RPA3: variants seen among roughly 807,000 people sequenced by gnomAD.
RPA3 encodes the protein replication protein A 14 kDa subunit.
Under a neutral mutation model 13.7 loss-of-function variants are expected in RPA3, and 24 were observed. That is an observed-to-expected ratio of 1.75 (90% CI 1.27 to 2.46). The LOEUF (loss-of-function observed/expected upper bound fraction) is 2.46. Ranked by LOEUF, RPA3 falls within the 30% of genes most tolerant of loss-of-function variation. The pLI, the probability that RPA3 is intolerant of heterozygous loss-of-function variation, is 0.00. For synonymous variants in RPA3, 59 were observed against 51.2 expected (o/e 1.15, Z -0.65); for missense variants, 183 against 151.0 (o/e 1.21, Z -1.11).
At chr7:7,641,324 C>G (rs1361584061) in intron 4 of RPA3, 149 bp from the exon 5 acceptor site, 5 of 152,132 alleles carry the variant, frequency 3.3e-5, no homozygotes, top group Non-Finnish European at 5.9e-5. Context: ...GGGGAAGAAC[C>G]ACTGGCCAGT....
At chr7:7,673,653 G>A (rs1274807615) in intron 4 of RPA3, among the ~76,000 whole-genome samples, 7 of 151,764 alleles carry the variant, frequency 4.6e-5, no homozygotes, top group Admixed American at 6.6e-5. Flanking sequence ...CTTTTCTTCC[G>A]TGTTGATTTG....
intron 2 of RPA3, among the ~76,000 whole-genome samples, chr7:7,698,008 AT>A (rs2115148628): frequency 6.6e-6 from 1 of 152,188 alleles, no homozygotes; most frequent in African/African-American, 2.4e-5. Flanking sequence ...TACTCATTTG[AT>A]TGTTAGAATG....
At chr7:7,704,548 G>T (rs1351731981) in intron 2 of RPA3, among the ~76,000 whole-genome samples, 3 of 146,144 alleles carry the variant, frequency 2.1e-5, no homozygotes, top group African/African-American at 7.6e-5. Flanking sequence ...AAAGTCAGGA[G>T]TTCAAGACTA....
chr7:7,675,173 GT>G (rs1391278867), intron 4 of RPA3, among the ~76,000 whole-genome samples: 3 of 152,114 alleles, frequency 2.0e-5, no homozygotes, highest in Non-Finnish European at 2.9e-5. Flanking sequence ...CCTCTTTTCT[GT>G]TGTCTTTATG....
chr7:7,654,120 A>G (rs1163631806), intron 4 of RPA3, among the ~76,000 whole-genome samples: 1 of 152,244 alleles, frequency 6.6e-6, no homozygotes, highest in South Asian at 2.1e-4. Flanking sequence ...TCTGAAAACC[A>G]TAGGACCATA....
intron 2 of RPA3, among the ~76,000 whole-genome samples, chr7:7,711,540 A>G (rs1780764107): frequency 6.6e-6 from 1 of 152,158 alleles, no homozygotes; most frequent in South Asian, 2.1e-4. Flanking sequence ...TTAAATTTTT[A>G]TCAGTCTGTT....
chr7:7,699,190 G>T (rs918552440), intron 2 of RPA3, among the ~76,000 whole-genome samples: 1 of 152,032 alleles, frequency 6.6e-6, no homozygotes, highest in African/African-American at 2.4e-5. Context: ...TGAGTTGACT[G>T]ATTATGGGAA....
chr7:7,667,438 A>T lies in RPA3; in HGVS notation c.-758+18392T>A, dbSNP rs574907258. Among the ~76,000 whole-genome samples the T allele has an allele frequency of 2.0e-5, 3 of 152,318 alleles. No homozygotes were observed. In the East Asian group the frequency reaches 5.8e-4, roughly 29 times the overall value. On this transcript the variant is annotated intron_variant, in intron 4 of 7. Coordinates refer to ENST00000223129, the MANE Select transcript of RPA3 (RefSeq NM_002947.5). ...CGCATACTAGGCTTGGGGCAGCAGG[A>T]TTATACAGGTCCCTTCCACTTAAAT...
intron 4 of RPA3, among the ~76,000 whole-genome samples, chr7:7,648,258 A>T (rs1163062244): frequency 6.6e-6 from 1 of 152,240 alleles, no homozygotes; most frequent in Non-Finnish European, 1.5e-5. Flanking sequence ...TTGACAGATC[A>T]TGAGTGATTT....
chr7:7,684,694 A>G (rs554383386), intron 4 of RPA3, among the ~76,000 whole-genome samples: 3 of 152,214 alleles, frequency 2.0e-5, no homozygotes, highest in African/African-American at 7.2e-5. Flanking sequence ...CTGATCTATG[A>G]CTCTTTCTGG....
intron 2 of RPA3, among the ~76,000 whole-genome samples, chr7:7,714,464 C>G (rs1039678046): frequency 2.6e-5 from 4 of 152,148 alleles, no homozygotes; most frequent in African/African-American, 9.7e-5. Flanking sequence ...GTACTTATAG[C>G]TACGAAACTT....
At chr7:7,678,490 A>T (rs910974680) in intron 4 of RPA3, among the ~76,000 whole-genome samples, 4 of 140,862 alleles carry the variant, frequency 2.8e-5, no homozygotes, top group Admixed American at 7.3e-5. Flanking sequence ...ATTTATAGAT[A>T]ATATATATTT....
intron 2 of RPA3, among the ~76,000 whole-genome samples, chr7:7,689,772 C>T (rs1452913021): frequency 6.6e-6 from 1 of 152,072 alleles, no homozygotes; most frequent in Non-Finnish European, 1.5e-5. Flanking sequence ...TTGTCAGAGT[C>T]ATAAGTAAAC....
intron 4 of RPA3, among the ~76,000 whole-genome samples, chr7:7,681,198 A>C (rs1779903405): frequency 6.6e-6 from 1 of 152,178 alleles, no homozygotes; most frequent in African/African-American, 2.4e-5. Context: ...GAAAGGTCAG[A>C]GTAAATTATG....
chr7:7,646,864 T>A (rs1785107408), intron 4 of RPA3, among the ~76,000 whole-genome samples: 1 of 152,084 alleles, frequency 6.6e-6, no homozygotes, highest in African/African-American at 2.4e-5. Context: ...GGTTTGGGGT[T>A]TATATGGGCA....
intron 2 of RPA3, among the ~76,000 whole-genome samples, chr7:7,704,741 T>C (rs1243639535): frequency 8.8e-6 from 1 of 113,738 alleles, no homozygotes; most frequent in Non-Finnish European, 1.6e-5. Context: ...TACTCCAGCC[T>C]GGGTGACAGA....
chr7:7,656,735 G>T (rs1484285176), intron 4 of RPA3, among the ~76,000 whole-genome samples: 1 of 152,126 alleles, frequency 6.6e-6, no homozygotes, highest in Non-Finnish European at 1.5e-5. Flanking sequence ...ATTTGGTTTG[G>T]TTCCAAGTCT....
At chr7:7,658,691 T>C (rs1179890863) in intron 4 of RPA3, among the ~76,000 whole-genome samples, 1 of 152,218 alleles carries the variant, frequency 6.6e-6, no homozygotes, top group Non-Finnish European at 1.5e-5. Context: ...AGCTATTTGA[T>C]GTGCTGTTGG....
At chr7:7,649,186 A>G (rs753699958) in intron 4 of RPA3, among the ~76,000 whole-genome samples, 3 of 151,640 alleles carry the variant, frequency 2.0e-5, no homozygotes, top group African/African-American at 2.4e-5. Flanking sequence ...AAAAGAAAAG[A>G]AAAGAATAAA....
Sources: allele counts gnomAD v4.1 joint callset (sites outside exome capture counted in the v4.1 genomes callset), GRCh38; gene constraint gnomAD v4.1.1; transcripts MANE v1.5; gene names NCBI Gene and HGNC (gene_info 2026-07-23, HGNC 2026-07-21).